Variants in COL6A6 observed in about 807,000 individuals in gnomAD.
COL6A6 encodes the protein collagen type VI alpha 6 chain.
In COL6A6, 183 loss-of-function variants were observed where a neutral mutation model predicts 208.6. That is an observed-to-expected ratio of 0.88 (90% CI 0.78 to 0.99). The LOEUF (loss-of-function observed/expected upper bound fraction) is 0.99. Ranked by LOEUF, COL6A6 falls within the 50% of genes least tolerant of loss-of-function variation. The pLI is 0.00. For synonymous variants in COL6A6, 973 were observed against 1,011.8 expected (o/e 0.96, Z 0.73); for missense variants, 2,816 against 2,815.2 (o/e 1.00, Z -0.01).
intron 4 of COL6A6, 46 bp downstream of exon 4, chr3:130,565,660 T>C: frequency 5.2e-6 from 8 of 1,538,170 alleles, no homozygotes; most frequent in Non-Finnish European, 7.0e-6. Context: ...TCTTTTTTTC[T>C]TCTCTTTCAA....
chr3:130,672,749 A>C (rs1236596958), intron 36 of COL6A6, among the ~76,000 whole-genome samples: 1 of 151,198 alleles, frequency 6.6e-6, no homozygotes, highest in South Asian at 2.1e-4. Context: ...GGCGGCTCAC[A>C]CCTGTAATCC....
chr3:130,568,075 G>A lies in COL6A6; in HGVS notation c.1872G>A (p.Met624Ile). The change falls in exon 6 of 37, where the codon ATG (methionine) becomes ATA (isoleucine). Residue 624 changes from methionine (M) to isoleucine (I), a missense_variant. Met to Ile is a conservative substitution (Grantham distance 10). Transcript: ENST00000358511. ...GCAAAGAGATGAAAGCTGACATCAT[G>A]TTTCTGGTGGACAGTTCTGGAAGTA... ...EACKEMKADI[M>I]FLVDSSGSIG... 1.2e-6 allele frequency: 2 copies of A among 1,612,398 alleles called. No individual in the cohort carries two copies. The highest frequency in any genetic ancestry group is 1.7e-6 in the Non-Finnish European group (2 of 1,179,254).
chr3:130,597,450 T>C (rs531750278), intron 18 of COL6A6, among the ~76,000 whole-genome samples: 6 of 152,306 alleles, frequency 3.9e-5, no homozygotes, highest in Admixed American at 2.6e-4. Context: ...TCTGGAACAA[T>C]GATATGTCCC....
intron 31 of COL6A6, among the ~76,000 whole-genome samples, chr3:130,644,098 G>C (rs2065395935): frequency 6.6e-6 from 1 of 152,214 alleles, no homozygotes; most frequent in Admixed American, 6.5e-5. Context: ...AAATCTAAAA[G>C]TGGGTGCAAA....
chr3:130,637,284 A>G (rs944396926), intron 28 of COL6A6, among the ~76,000 whole-genome samples: 3 of 150,496 alleles, frequency 2.0e-5, no homozygotes, highest in Non-Finnish European at 2.9e-5. Context: ...GCATTGAACT[A>G]TCTCTGGATC....
intron 18 of COL6A6, among the ~76,000 whole-genome samples, chr3:130,594,871 A>G (rs982742335): frequency 2.0e-5 from 3 of 152,152 alleles, no homozygotes; most frequent in African/African-American, 2.4e-5. Context: ...GTGCAGGGGA[A>G]CTTCCATTTA....
chr3:130,652,939 C>A (rs2065686317), intron 33 of COL6A6, among the ~76,000 whole-genome samples: 1 of 152,176 alleles, frequency 6.6e-6, no homozygotes, highest in African/African-American at 2.4e-5. Context: ...GACTCAGAAG[C>A]ACCCGCTCTG....
intron 1 of COL6A6, among the ~76,000 whole-genome samples, chr3:130,546,722 C>G (rs192996914): frequency 2.7e-3 from 412 of 151,982 alleles, no homozygotes; most frequent in Non-Finnish European, 3.8e-3. Context: ...CACAGAGCAC[C>G]GACTGGTGCG....
intron 12 of COL6A6, chr3:130,590,130 G>A: frequency 3.1e-6 from 1 of 327,402 alleles, no homozygotes; most frequent in East Asian, 8.3e-5. Context: ...AAATATAGCT[G>A]TGTTGACTTG....
chr3:130,652,552 CA>C (rs1296579362), intron 33 of COL6A6, among the ~76,000 whole-genome samples: 1 of 152,152 alleles, frequency 6.6e-6, no homozygotes, highest in Non-Finnish European at 1.5e-5. Flanking sequence ...ACTGGAAAAC[CA>C]AAAGGCCCAC....
chr3:130,571,871 CAG>C (rs1447611735), intron 7 of COL6A6, among the ~76,000 whole-genome samples: 1 of 107,156 alleles, frequency 9.3e-6, no homozygotes, highest in Non-Finnish European at 1.8e-5. Context: ...TTTGTGAAGA[CAG>C]GGTTTCACTA....
At chr3:130,573,883 T>G in intron 7 of COL6A6, 73 bp from the exon 8 acceptor site, 1 of 1,152,302 alleles carries the variant, frequency 8.7e-7, no homozygotes, top group Non-Finnish European at 1.2e-6. Flanking sequence ...GCTGCAAACA[T>G]TGAATTTACT....
intron 1 of COL6A6, among the ~76,000 whole-genome samples, chr3:130,538,764 C>G (rs2107738476): frequency 6.6e-6 from 1 of 152,196 alleles, no homozygotes; most frequent in Non-Finnish European, 1.5e-5. Flanking sequence ...TCAGTATTGC[C>G]AAGTCATTTT....
At chr3:130,573,912 G>A in intron 7 of COL6A6, 44 bp from the exon 8 acceptor site, 2 of 1,379,086 alleles carry the variant, frequency 1.5e-6, no homozygotes, top group South Asian at 2.5e-5. Flanking sequence ...ATTAAGGAAA[G>A]AATAACAATC....
Position 130,566,782 on chromosome 3 carries a change from A to G in COL6A6, c.1363A>G (p.Met455Val). The part of the protein sequence containing the change: ...GSTQATDFHE[M>V]KTFLSEVVGM... ...CACCCAGGCCACAGATTTCCATGAA[A>G]TGAAGACGTTCCTGTCAGAGGTGGT... is the stretch of plus-strand genomic sequence containing the variant. Residue 455 changes from methionine to valine, a missense_variant, in exon 5 of 37, where the codon ATG (methionine) becomes GTG (valine). By Grantham distance (21) the Met-to-Val change is conservative. Transcript: ENST00000358511. The G allele has an allele frequency of 1.2e-6, 2 of 1,614,050 alleles. No individual in the cohort carries two copies. Among genetic ancestry groups the G allele is most frequent in the South Asian group, 1.1e-5 (1 of 91,080 alleles).
intron 6 of COL6A6, among the ~76,000 whole-genome samples, chr3:130,569,905 AAAG>A (rs1315370863): frequency 6.6e-6 from 1 of 152,224 alleles, no homozygotes; most frequent in Non-Finnish European, 1.5e-5. Context: ...GTGGCTGGCG[AAAG>A]AAGAAAATGT....
chr3:130,537,998 G>A (rs7619287), intron 1 of COL6A6, among the ~76,000 whole-genome samples: 120,979 of 151,812 alleles, frequency 0.8, 49,045 homozygotes, highest in Non-Finnish European at 0.87. Context: ...TCCAGTGAAA[G>A]ATAATTACAC....
chr3:130,528,619 T>G (rs2062014156), intron 1 of COL6A6, among the ~76,000 whole-genome samples: 1 of 152,136 alleles, frequency 6.6e-6, no homozygotes, highest in Non-Finnish European at 1.5e-5. Context: ...AGAGCATCAT[T>G]TTGGCTCACA....
chr3:130,531,163 A>G (rs2062085589), intron 1 of COL6A6, among the ~76,000 whole-genome samples: 2 of 151,900 alleles, frequency 1.3e-5, no homozygotes, highest in Admixed American at 1.3e-4. Flanking sequence ...TGTGCTAAAT[A>G]TGTGTAGGTC....
Sources: allele counts gnomAD v4.1 joint callset (sites outside exome capture counted in the v4.1 genomes callset), GRCh38; gene constraint gnomAD v4.1.1; transcripts MANE v1.5; gene names NCBI Gene and HGNC (gene_info 2026-07-23, HGNC 2026-07-21).